The following OPRL1 variants were observed in gnomAD, a reference collection of about 807,000 sequenced individuals.
OPRL1 encodes the protein opioid related nociceptin receptor 1, also known as nociceptin receptor.
A neutral mutation model predicts 15.5 loss-of-function variants in OPRL1; 5 were observed. The ratio of observed to expected loss-of-function variants is 0.32; its 90% CI spans 0.17 to 0.68. The LOEUF is 0.68. OPRL1 is among the 30% of genes least tolerant of loss of function. OPRL1 has a pLI of 0.72. For missense variants in OPRL1, 406 were observed against 515.3 expected, an observed-to-expected ratio of 0.79 and a Z score of 2.05; for synonymous variants, 223 against 230.2, an observed-to-expected ratio of 0.97 and a Z score of 0.28.
chr20:64,092,287 C>G lies in OPRL1; in HGVS notation c.-34+171C>G, dbSNP rs534588545. Reference sequence around the variant, plus strand: ...GGCAGGTTTGGGCATTTCTGTGTGTCTGTGTGTGTGACTTGTGTCCCTGCA... The same window carrying G: ...GGCAGGTTTGGGCATTTCTGTGTGTGTGTGTGTGTGACTTGTGTCCCTGCA... On this transcript the variant is annotated intron_variant, in intron 2 of 4. Coordinates refer to ENST00000336866, the MANE Select transcript of OPRL1 (RefSeq NM_182647.4). Among the ~76,000 whole-genome samples the G allele has an allele frequency of 8.5e-5, 13 of 152,204 alleles. No homozygotes were observed. In the South Asian group the frequency reaches 2.7e-3, roughly 32 times the overall value.
At chr20:64,084,381 C>T (rs990469998) in intron 1 of OPRL1, 3 of 1,277,158 alleles carry the variant, frequency 2.3e-6, no homozygotes, top group Non-Finnish European at 3.0e-6. Flanking sequence ...GAGCTTTGCC[C>T]AGGCGCTCTC....
rs375635141 is a variant in OPRL1, at chr20:64,092,739, G to C, written c.19G>C (p.Ala7Pro). ...CAGTGGCATGGAGCCCCTCTTCCCC[G>C]CGCCGTTCTGGGAGGTTATCTACGG... The part of the protein sequence containing the change: MEPLFP[A>P]PFWEVIYGSH... Residue 7 changes from alanine (A) to proline (P), a missense_variant, in exon 3 of 5, where the codon GCG (alanine) becomes CCG (proline). Physicochemically the swap from Ala to Pro is conservative, Grantham distance 27. Coordinates refer to ENST00000336866, the MANE Select transcript of OPRL1 (RefSeq NM_182647.4). 1.9e-6 allele frequency: 3 copies of C among 1,612,500 alleles called. No homozygotes were observed. Among genetic ancestry groups the C allele is most frequent in the Non-Finnish European group, 2.5e-6 (3 of 1,179,854 alleles).
chr20:64,087,890 G>A (rs1357897662), intron 1 of OPRL1, among the ~76,000 whole-genome samples: 2 of 152,122 alleles, frequency 1.3e-5, no homozygotes, highest in African/African-American at 4.8e-5. Flanking sequence ...GAGATACCTG[G>A]GCCATTTCAT....
chr20:64,092,588 G>A, intron 2 of OPRL1, 100 bp from the exon 3 acceptor site: 1 of 828,600 alleles, frequency 1.2e-6, no homozygotes, highest in Non-Finnish European at 1.9e-6. Context: ...TGCCCAGCGT[G>A]GGGGTCCATG....
intron 1 of OPRL1, among the ~76,000 whole-genome samples, chr20:64,087,153 A>G (rs969905992): frequency 1.4e-5 from 2 of 147,756 alleles, no homozygotes; most frequent in African/African-American, 5.0e-5. Flanking sequence ...GGCTATCCCT[A>G]GTATCCTCGC....
chr20:64,087,197 G>A (rs1362086814), intron 1 of OPRL1, among the ~76,000 whole-genome samples: 88 of 36,342 alleles, frequency 2.4e-3, no homozygotes, highest in African/African-American at 0.011. Context: ...GCGTGTCATC[G>A]TTCGTGTCTT....
rs1816995503 is a variant in OPRL1, at chr20:64,099,509, C to T, written c.*710C>T. On this transcript the variant is annotated 3_prime_UTR_variant, in exon 5 of 5. Coordinates refer to ENST00000336866, the MANE Select transcript of OPRL1 (RefSeq NM_182647.4). ...CCCCGAGCTGGCCCTGGGCCAGCCG[C>T]ACCTCTGAAGGTTTTCTGTGTGCTG... 2 of 152,584 alleles carry T rather than the reference C, an allele frequency of 1.3e-5. No individual in the cohort carries two copies. Among genetic ancestry groups the T allele is most frequent in the South Asian group, 2.1e-4 (1 of 4,844 alleles). The allele number at this position is 152,584 out of a possible 1,614,324, so 9.5% of individuals were successfully genotyped here.
intron 1 of OPRL1, among the ~76,000 whole-genome samples, chr20:64,081,554 C>T (rs1240926968): frequency 2.6e-5 from 4 of 152,208 alleles, no homozygotes; most frequent in Non-Finnish European, 4.4e-5. Context: ...CTCTCCACCG[C>T]CCTGGCTTCT....
At chr20:64,082,696 C>T (rs938044910) in intron 1 of OPRL1, among the ~76,000 whole-genome samples, 1 of 152,060 alleles carries the variant, frequency 6.6e-6, no homozygotes, top group African/African-American at 2.4e-5. Flanking sequence ...AAGGTCTGCC[C>T]AGAAACCTCG....
chr20:64,088,490 G>GC (rs2060075848), intron 1 of OPRL1, among the ~76,000 whole-genome samples: 1 of 150,112 alleles, frequency 6.7e-6, no homozygotes, highest in African/African-American at 2.5e-5. Flanking sequence ...TGTACAGAGG[G>GC]ACCAAGATCT....
rs895248628 is a variant in OPRL1, at chr20:64,098,172, C to T, written c.589+15C>T. The T allele has an allele frequency of 8.7e-6, 14 of 1,608,230 alleles. No homozygotes were observed. Among genetic ancestry groups the T allele is most frequent in the Non-Finnish European group, 1.2e-5 (14 of 1,176,268 alleles). ...CGAGGATGAAGGTCAGTGGGGTGTC[C>T]CCTCCTCCCCTCACCAGGCTCCCTG... is the stretch of plus-strand genomic sequence containing the variant. On this transcript the variant is annotated intron_variant, in intron 4 of 4. Coordinates refer to ENST00000336866, the MANE Select transcript of OPRL1 (RefSeq NM_182647.4).
chr20:64,080,963 T>G (rs2059960536), intron 1 of OPRL1, among the ~76,000 whole-genome samples: 1 of 152,096 alleles, frequency 6.6e-6, no homozygotes, highest in Non-Finnish European at 1.5e-5. Flanking sequence ...CAAGTATCAG[T>G]ATCTGGGTGC....
rs909105247 is a variant in OPRL1, at chr20:64,097,139, T to C, written c.234-663T>C. On this transcript the variant is annotated intron_variant, in intron 3 of 4. Coordinates refer to ENST00000336866, the MANE Select transcript of OPRL1 (RefSeq NM_182647.4). This position sits in a 1 kb window ranked among gnomAD's most constrained non-coding sequence, Gnocchi z 4.2. ...ATCATCACCACCACCATCACCACCA[T>C]AATCCCCCCCAACTATTACAACCAT... 3.2e-4 allele frequency among the ~76,000 whole-genome samples: 49 copies of C among 151,050 alleles called. 1 individual carries two copies. In the South Asian group the frequency reaches 9.4e-3, roughly 29 times the overall value.
In OPRL1 at chr20:64,092,837, T is replaced by G; in HGVS notation, c.117T>G (p.Asn39Lys). ...HSLLPPHLLLNASHGAFLPLG... is the reference protein window; with the variant it reads ...HSLLPPHLLLKASHGAFLPLG... ...TGCTGCCCCCGCATCTGCTGCTCAATGCCAGCCACGGCGCCTTCCTGCCCC... is the reference window on the plus strand; with the variant it reads ...TGCTGCCCCCGCATCTGCTGCTCAAGGCCAGCCACGGCGCCTTCCTGCCCC... Residue 39 changes from asparagine to lysine, a missense_variant, in exon 3 of 5, where the codon AAT (asparagine) becomes AAG (lysine). By Grantham distance (94) the Asn-to-Lys change is moderately conservative. Coordinates refer to ENST00000336866, the MANE Select transcript of OPRL1 (RefSeq NM_182647.4). 3.7e-6 allele frequency: 6 copies of G among 1,612,736 alleles called. No individual in the cohort carries two copies. The highest frequency in any genetic ancestry group is 5.1e-6 in the Non-Finnish European group (6 of 1,179,932).
At chr20:64,081,278 G>A (rs1265897268) in intron 1 of OPRL1, among the ~76,000 whole-genome samples, 3 of 152,218 alleles carry the variant, frequency 2.0e-5, no homozygotes, top group African/African-American at 4.8e-5. Flanking sequence ...AGGGACAAGA[G>A]GCAGGCTGCT....
chr20:64,084,493 C>A, intron 1 of OPRL1: 4 of 784,830 alleles, frequency 5.1e-6, no homozygotes, highest in Non-Finnish European at 6.7e-6. Flanking sequence ...TAGGAAATAT[C>A]TTTCCTACCC....
At position 64,098,850 on chromosome 20, in the gene OPRL1, G is replaced by A. The variant is rs566154423; in HGVS notation, c.*51G>A. 46 of 1,540,848 alleles carry A rather than the reference G, an allele frequency of 3.0e-5. No homozygotes were observed. Among genetic ancestry groups the A allele is most frequent in the Middle Eastern group, 2.1e-4 (1 of 4,736 alleles). On this transcript the variant is annotated 3_prime_UTR_variant, in exon 5 of 5. Coordinates refer to ENST00000336866, the MANE Select transcript of OPRL1 (RefSeq NM_182647.4). ...CTGTCAGCCCGCAGAGCCCATCTACGCCCAACACAGAGCTCACACAGGTCA... is the reference window on the plus strand; with the variant it reads ...CTGTCAGCCCGCAGAGCCCATCTACACCCAACACAGAGCTCACACAGGTCA...
rs953850318 is a variant in OPRL1 at position 64,099,717 on chromosome 20, C to T, written c.*918C>T. 1 of 152,336 alleles carries T rather than the reference C, an allele frequency of 6.6e-6. No homozygotes were observed. Among genetic ancestry groups the T allele is most frequent in the East Asian group, 1.9e-4 (1 of 5,204 alleles). The allele number at this position is 152,336 out of a possible 1,614,324, so 9.4% of individuals were successfully genotyped here. A position where few individuals can be genotyped will look rare whatever the true frequency, so the allele number is the denominator to read the frequency against. On this transcript the variant is annotated 3_prime_UTR_variant, in exon 5 of 5. Coordinates refer to ENST00000336866, the MANE Select transcript of OPRL1 (RefSeq NM_182647.4). ...CAGGTGTCTCAGGACGAAGGCGCCG[C>T]GTGACCACATGGGCAGCTCTGTTCA... is the stretch of plus-strand genomic sequence containing the variant.
chr20:64,083,663 G>A lies in OPRL1; in HGVS notation c.-185+3311G>A. On this transcript the variant is annotated intron_variant, in intron 1 of 4. Coordinates refer to ENST00000336866, the MANE Select transcript of OPRL1 (RefSeq NM_182647.4). This position sits in a 1 kb window ranked among gnomAD's most constrained non-coding sequence, Gnocchi z 4.9. ...AACAGCTCCAGCCGGATGGCGGCGC[G>A]CGCGGACTTCTGCCGCTGGATGAGC... The A allele has an allele frequency of 7.0e-7, 1 of 1,436,630 alleles. No homozygotes were observed. The highest frequency in any genetic ancestry group is 9.1e-7 in the Non-Finnish European group (1 of 1,101,588). The allele number at this position is 1,436,630 out of a possible 1,614,324, so 89.0% of individuals were successfully genotyped here. A position where few individuals can be genotyped will look rare whatever the true frequency, so the allele number is the denominator to read the frequency against.
Sources: gnomAD v4.1 joint callset for allele counts (sites outside exome capture counted in the v4.1 genomes callset) on GRCh38, gnomAD v4.1.1 for gene constraint, Gnocchi (gnomAD v3.1) non-coding constraint, MANE v1.5 for transcripts, NCBI Gene and HGNC (gene_info 2026-07-23, HGNC 2026-07-21) for gene names.